Variants in UACA observed in about 807,000 individuals in gnomAD.
The protein encoded by UACA is uveal autoantigen with coiled-coil domains and ankyrin repeats.
UACA carries 112 observed loss-of-function variants against 160.5 expected under a neutral mutation model. The ratio of observed to expected loss-of-function variants is 0.70; its 90% confidence interval spans 0.60 to 0.82. The LOEUF is 0.82. Ranked by LOEUF, UACA falls within the 40% of genes least tolerant of loss-of-function variation. The probability of loss-of-function intolerance (pLI) is 0.00; values close to 1 mark genes in which losing one functional copy is unlikely to be tolerated. For synonymous variants in UACA, 557 were observed against 568.4 expected (o/e 0.98, Z 0.29); for missense variants, 1,574 against 1,614.6 (o/e 0.97, Z 0.43).
At chr15:70,659,873 T>C (rs1896640285) in intron 18 of UACA, among the ~76,000 whole-genome samples, 1 of 152,080 alleles carries the variant, frequency 6.6e-6, no homozygotes, top group African/African-American at 2.4e-5. Flanking sequence ...AGCAACACCA[T>C]TAACGTGTGC....
At chr15:70,778,044 C>A in the UACA span, among the ~76,000 whole-genome samples, 1 of 152,014 alleles carries the variant, frequency 6.6e-6, no homozygotes, top group African/African-American at 2.4e-5. Flanking sequence ...CCACAAAAAA[C>A]ACAAAAATTA....
At chr15:70,749,570 G>C (rs2029906579) in intron 1 of UACA, among the ~76,000 whole-genome samples, 1 of 151,498 alleles carries the variant, frequency 6.6e-6, no homozygotes, top group Non-Finnish European at 1.5e-5. Flanking sequence ...GTAGTGGTGG[G>C]CACCTGTAGT....
intron 1 of UACA, among the ~76,000 whole-genome samples, chr15:70,713,598 A>G (rs1261821491): frequency 2.6e-5 from 4 of 152,200 alleles, no homozygotes; most frequent in Non-Finnish European, 5.9e-5. Context: ...GGGATTCCTC[A>G]GTTTTATCGT....
At chr15:70,697,919 G>A (rs1192353796) in intron 2 of UACA, among the ~76,000 whole-genome samples, 4 of 152,040 alleles carry the variant, frequency 2.6e-5, no homozygotes, top group South Asian at 2.1e-4. Context: ...GGGTGGTGGT[G>A]CATTCCTGCA....
chr15:70,776,198 A>C, the UACA span, among the ~76,000 whole-genome samples: 1 of 152,236 alleles, frequency 6.6e-6, no homozygotes, highest in Non-Finnish European at 1.5e-5. Flanking sequence ...AAATAAATGA[A>C]TAACAAATAA....
chr15:70,727,431 T>C (rs1179237913), intron 1 of UACA, among the ~76,000 whole-genome samples: 1 of 152,184 alleles, frequency 6.6e-6, no homozygotes, highest in Non-Finnish European at 1.5e-5. Flanking sequence ...ATAGTTCACT[T>C]TAAAATTACT....
chr15:70,670,521 C>T (rs183365625), intron 15 of UACA, among the ~76,000 whole-genome samples: 156 of 152,150 alleles, frequency 1.0e-3, no homozygotes, highest in African/African-American at 3.7e-3. Flanking sequence ...CTCACTCCTG[C>T]CCTAAAACTT....
At chr15:70,719,849 C>A (rs931254293) in intron 1 of UACA, among the ~76,000 whole-genome samples, 5 of 152,192 alleles carry the variant, frequency 3.3e-5, no homozygotes, top group Non-Finnish European at 5.9e-5. Context: ...AGAAAAGTTA[C>A]CCTTCCTACA....
At chr15:70,680,557 C>T (rs899498939) in intron 9 of UACA, among the ~76,000 whole-genome samples, 1 of 152,080 alleles carries the variant, frequency 6.6e-6, no homozygotes, top group Non-Finnish European at 1.5e-5. Context: ...CACAATTTGG[C>T]CCTAACTATG....
rs1896491920 is a variant in UACA, at chr15:70,656,994, G to C, written c.*62C>G. ...CAGTAAGGCCCAGAAAGACCATGGA[G>C]TTGCACAAAGAATGTTCAGCACCAG... is the stretch of plus-strand genomic sequence containing the variant. On this transcript the variant is annotated 3_prime_UTR_variant, in exon 19 of 19. Coordinates refer to ENST00000322954, the MANE Select transcript of UACA (RefSeq NM_018003.4). 2.9e-6 allele frequency: 4 copies of C among 1,365,084 alleles called. No homozygotes were observed. Among genetic ancestry groups the C allele is most frequent in the Non-Finnish European group, 4.2e-6 (4 of 955,234 alleles). 84.6% of individuals were successfully genotyped at this position (1,365,084 alleles called of 1,614,324 possible). A position where few individuals can be genotyped will look rare whatever the true frequency, so the allele number is the denominator to read the frequency against.
intron 1 of UACA, among the ~76,000 whole-genome samples, chr15:70,742,175 C>T (rs1163216698): frequency 6.6e-6 from 1 of 152,206 alleles, no homozygotes; most frequent in Non-Finnish European, 1.5e-5. Context: ...TTCATTAAGG[C>T]TAAATTACTT....
intron 13 of UACA, among the ~76,000 whole-genome samples, chr15:70,675,439 A>T (rs530524906): frequency 3.6e-4 from 55 of 152,364 alleles, no homozygotes; most frequent in Admixed American, 5.9e-4. Context: ...ATTTTTGCAT[A>T]TGCATACCTT....
rs1300167621 is a variant in UACA at position 70,700,328 on chromosome 15, C to T, written c.79-668G>A. Among the ~76,000 whole-genome samples the T allele has an allele frequency of 3.4e-5, 4 of 118,554 alleles. 1 individual carries two copies. In the South Asian group the frequency reaches 7.9e-4, roughly 23 times the overall value. The allele number at this position is 118,554 out of a possible 152,430, so 77.8% of individuals were successfully genotyped here. ...ATATATATATATATATACACACACA[C>T]ACACACACACACATTCTATACAGAA... On this transcript the variant is annotated intron_variant, in intron 1 of 18. Coordinates refer to ENST00000322954, the MANE Select transcript of UACA (RefSeq NM_018003.4).
intron 1 of UACA, among the ~76,000 whole-genome samples, chr15:70,736,591 C>T (rs566855160): frequency 2.0e-5 from 3 of 152,078 alleles, no homozygotes; most frequent in East Asian, 1.9e-4. Context: ...CTCACCACCA[C>T]GCCCGGCTAT....
intron 2 of UACA, among the ~76,000 whole-genome samples, chr15:70,696,062 C>T (rs1898116212): frequency 6.6e-6 from 1 of 152,098 alleles, no homozygotes; most frequent in South Asian, 2.1e-4. Flanking sequence ...AGTGCAATAA[C>T]CATTCTAGAG....
At chr15:70,736,419 T>C (rs949950380) in intron 1 of UACA, among the ~76,000 whole-genome samples, 3 of 152,202 alleles carry the variant, frequency 2.0e-5, no homozygotes, top group Non-Finnish European at 2.9e-5. Flanking sequence ...TTTAATAGAA[T>C]GCTTAAGTAT....
the UACA span, among the ~76,000 whole-genome samples, chr15:70,777,037 G>A: frequency 1.3e-5 from 2 of 152,168 alleles, no homozygotes; most frequent in African/African-American, 2.4e-5. Context: ...CCACATCATC[G>A]TTTTGCAGTA....
rs531141679 is a variant in UACA at position 70,703,731 on chromosome 15, TATGG to T, written c.79-4075_79-4072del. Among the ~76,000 whole-genome samples the T allele has an allele frequency of 8.0e-3, 1,220 of 152,272 alleles. 9 individuals carry two copies. Among genetic ancestry groups the T allele is most frequent in the Non-Finnish European group, 0.014 (928 of 68,004 alleles). ...GAGATAGGATTGTGTGTCCTAGTAT[TATGG>T]ATGTCCTGAGCTGCCTGCCACCTCC... is the stretch of plus-strand genomic sequence containing the variant. On this transcript the variant is annotated intron_variant, in intron 1 of 18. Transcript: ENST00000322954.
intron 8 of UACA, among the ~76,000 whole-genome samples, chr15:70,683,568 G>A (rs1354951903): frequency 6.6e-6 from 1 of 152,042 alleles, no homozygotes; most frequent in Non-Finnish European, 1.5e-5. Flanking sequence ...ATTATAAATA[G>A]CTTAAACACT....
Sources: allele counts gnomAD v4.1 joint callset (sites outside exome capture counted in the v4.1 genomes callset), GRCh38; gene constraint gnomAD v4.1.1; transcripts MANE v1.5; gene names NCBI Gene and HGNC (gene_info 2026-07-23, HGNC 2026-07-21).